Variants in ANXA8 observed in about 807,000 individuals in gnomAD.
ANXA8 encodes the protein annexin A8, also known as VAC-beta.
A neutral mutation model predicts 26.8 loss-of-function variants in ANXA8; 9 were observed. The ratio of observed to expected loss-of-function variants is 0.34; its 90% CI spans 0.20 to 0.59. The LOEUF (loss-of-function observed/expected upper bound fraction) is 0.59, where lower values mean the gene tolerates loss of function less well. Ranked by LOEUF, ANXA8 falls within the 20% of genes least tolerant of loss-of-function variation. The pLI is 0.84. For missense variants in ANXA8, 83 were observed against 238.5 expected (o/e 0.35, Z 4.29); for synonymous variants, 39 against 94.8 (o/e 0.41, Z 3.42).
the ANXA8 span, among the ~76,000 whole-genome samples, chr10:47,632,056 G>A: frequency 6.6e-4 from 101 of 152,344 alleles, no homozygotes; most frequent in Admixed American, 1.4e-3. Flanking sequence ...CATAATCAAC[G>A]GACACCTAGG....
At chr10:47,894,870 T>C in the ANXA8 span, among the ~76,000 whole-genome samples, 2 of 151,786 alleles carry the variant, frequency 1.3e-5, no homozygotes, top group Non-Finnish European at 2.9e-5. Flanking sequence ...GCCACTCACA[T>C]ACCCTACACA....
At chr10:47,972,989 G>GT in the ANXA8 span, 1 of 150,460 alleles carries the variant, frequency 6.6e-6, no homozygotes, top group African/African-American at 2.4e-5. Flanking sequence ...CATTCTCAAA[G>GT]AACACTCTTA....
chr10:47,951,298 A>G, the ANXA8 span, among the ~76,000 whole-genome samples: 1 of 150,964 alleles, frequency 6.6e-6, no homozygotes, highest in Non-Finnish European at 1.5e-5. Flanking sequence ...TTTGTAATTA[A>G]AAACCTTCAC....
chr10:47,548,999 A>C, the ANXA8 span, among the ~76,000 whole-genome samples: 2 of 152,286 alleles, frequency 1.3e-5, no homozygotes, highest in Admixed American at 1.3e-4. Context: ...ATATTTGTAC[A>C]TATATATGTA....
At chr10:47,500,464 G>T in the ANXA8 span, among the ~76,000 whole-genome samples, 1 of 151,390 alleles carries the variant, frequency 6.6e-6, no homozygotes. Flanking sequence ...AGGCACCTCA[G>T]TCTGGCATTC....
the ANXA8 span, among the ~76,000 whole-genome samples, chr10:47,556,368 GT>G: frequency 5.0e-3 from 755 of 151,982 alleles, 21 homozygotes; most frequent in African/African-American, 0.017. Flanking sequence ...CCCTTTGAAA[GT>G]TTTTAATAAC....
chr10:47,956,884 C>T, the ANXA8 span, among the ~76,000 whole-genome samples: 41 of 150,276 alleles, frequency 2.7e-4, 5 homozygotes, highest in East Asian at 7.4e-3. Flanking sequence ...GCACCATCCA[C>T]AAACGCCTTG....
the ANXA8 span, among the ~76,000 whole-genome samples, chr10:47,493,725 C>T: frequency 2.0e-5 from 3 of 150,896 alleles, no homozygotes; most frequent in Non-Finnish European, 2.9e-5. Flanking sequence ...CTGGGGACAA[C>T]TGCCCTTCCC....
the ANXA8 span, among the ~76,000 whole-genome samples, chr10:47,974,003 T>C: frequency 2.0e-5 from 3 of 150,818 alleles, no homozygotes; most frequent in African/African-American, 4.8e-5. Flanking sequence ...TCTTGGGAGA[T>C]TGTATGTTCC....
At chr10:47,937,400 T>G in the ANXA8 span, among the ~76,000 whole-genome samples, 1 of 149,898 alleles carries the variant, frequency 6.7e-6, no homozygotes, top group Non-Finnish European at 1.5e-5. Flanking sequence ...GTCCATGGTT[T>G]TTTTAAAAGT....
the ANXA8 span, chr10:47,565,541 G>C: frequency 5.6e-5 from 19 of 338,936 alleles, no homozygotes; most frequent in East Asian, 9.4e-4. Flanking sequence ...ACAGCCAGTC[G>C]GGGCCATGCT....
At chr10:47,985,734 AT>A in the ANXA8 span, 1 of 77,728 alleles carries the variant, frequency 1.3e-5, no homozygotes, top group Non-Finnish European at 2.8e-5. Flanking sequence ...CAAAGCAACT[AT>A]TAAAAAAAAA....
At chr10:47,768,734 C>T in the ANXA8 span, among the ~76,000 whole-genome samples, 1 of 151,612 alleles carries the variant, frequency 6.6e-6, no homozygotes, top group East Asian at 1.9e-4. Context: ...GCTTTCTGTC[C>T]CCTGGAGTTT....
chr10:47,693,313 G>A, the ANXA8 span, among the ~76,000 whole-genome samples: 2 of 145,372 alleles, frequency 1.4e-5, no homozygotes, highest in Admixed American at 6.8e-5. Flanking sequence ...TTTTTGAGAC[G>A]GAGTCTGGCT....
chr10:47,580,798 G>C, the ANXA8 span, among the ~76,000 whole-genome samples: 1 of 149,714 alleles, frequency 6.7e-6, no homozygotes, highest in Non-Finnish European at 1.5e-5. Flanking sequence ...AAACAGGCCA[G>C]GCTTGGTGGC....
At chr10:47,591,172 C>T in the ANXA8 span, among the ~76,000 whole-genome samples, 1 of 145,644 alleles carries the variant, frequency 6.9e-6, no homozygotes, top group South Asian at 2.1e-4. Flanking sequence ...CTCCACTGCT[C>T]ATGCATTTGG....
the ANXA8 span, among the ~76,000 whole-genome samples, chr10:47,498,320 T>A: frequency 6.8e-6 from 1 of 146,388 alleles, no homozygotes; most frequent in Non-Finnish European, 1.5e-5. Context: ...TGTTGTAGCA[T>A]GTGTTAGAAT....
Position 47,468,624 on chromosome 10 carries a change from A to C in ANXA8, c.*223T>G. The C allele has an allele frequency of 1.4e-6, 1 of 705,144 alleles. No individual in the cohort carries two copies. The highest frequency in any genetic ancestry group is 2.3e-6 in the Non-Finnish European group (1 of 432,980). 43.7% of individuals were successfully genotyped at this position (705,144 alleles called of 1,614,324 possible). On this transcript the variant is annotated 3_prime_UTR_variant, in exon 12 of 12. Transcript: ENST00000585281. ...TGGCTGGAGAAACACTAAGGTTGGC[A>C]TTGTGCTCACACTGGGAAATGACCT...
the ANXA8 span, chr10:47,751,399 C>G: frequency 2.4e-5 from 2 of 84,060 alleles, no homozygotes; most frequent in African/African-American, 9.1e-5. Flanking sequence ...AATTGCTCAG[C>G]CACTGCAGTT....
Sources: gnomAD v4.1 joint callset for allele counts (sites outside exome capture counted in the v4.1 genomes callset) on GRCh38, gnomAD v4.1.1 for gene constraint, MANE v1.5 for transcripts, NCBI Gene and HGNC (gene_info 2026-07-23, HGNC 2026-07-21) for gene names.